MGAM2: variants seen among roughly 807,000 people sequenced by gnomAD.
The protein encoded by MGAM2 is probable maltase-glucoamylase 2.
In MGAM2, 98 loss-of-function variants were observed where a neutral mutation model predicts 96.1. That is an observed-to-expected ratio of 1.02 (90% CI 0.87 to 1.21). The LOEUF (loss-of-function observed/expected upper bound fraction) is 1.21, where lower values mean the gene tolerates loss of function less well. MGAM2 is among the 50% of genes most tolerant of loss of function. The pLI, the probability that MGAM2 is intolerant of heterozygous loss-of-function variation, is 0.00. For synonymous variants in MGAM2, 749 were observed against 414.8 expected, an observed-to-expected ratio of 1.81 and a Z score of -9.79; for missense variants, 2,055 against 1,182.4, an observed-to-expected ratio of 1.74 and a Z score of -10.82.
At chr7:142,178,686 T>C (rs563262106) in intron 32 of MGAM2, among the ~76,000 whole-genome samples, 22 of 152,146 alleles carry the variant, frequency 1.4e-4, no homozygotes, top group African/African-American at 5.3e-4. Context: ...TAGTATACGT[T>C]GAGGTTGGGT....
intron 33 of MGAM2, among the ~76,000 whole-genome samples, chr7:142,183,966 T>A: frequency 1.2e-5 from 1 of 86,526 alleles, no homozygotes; most frequent in South Asian, 4.5e-4. Flanking sequence ...TTTTTTTTTT[T>A]TTTTTTTTTT....
At chr7:142,169,914 C>T (rs1796139936) in intron 26 of MGAM2, among the ~76,000 whole-genome samples, 161 bp from the exon 27 acceptor site, 1 of 152,078 alleles carries the variant, frequency 6.6e-6, no homozygotes, top group South Asian at 2.1e-4. Context: ...GTATGGGGCA[C>T]AGTGGGCAGG....
At chr7:142,124,243 A>C (rs1471362381) in intron 3 of MGAM2, among the ~76,000 whole-genome samples, 1 of 152,108 alleles carries the variant, frequency 6.6e-6, no homozygotes, top group Non-Finnish European at 1.5e-5. Flanking sequence ...AAGTGCTGGG[A>C]TTACAGGCAT....
chr7:142,154,825 C>A lies in MGAM2; in HGVS notation c.1903C>A (p.His635Asn). 1 of 703,428 alleles carries A rather than the reference C, an allele frequency of 1.4e-6. No homozygotes were observed. Among genetic ancestry groups the A allele is most frequent in the African/African-American group, 1.7e-5 (1 of 57,352 alleles). 43.6% of individuals were successfully genotyped at this position (703,428 alleles called of 1,614,324 possible). Residue 635 changes from histidine (H) to asparagine (N), a missense_variant, in exon 17 of 48, where the codon CAC becomes AAC. Coordinates refer to ENST00000477922, the MANE Select transcript of MGAM2 (RefSeq NM_001293626.2). ...LGAFYPLPRNHNGPGFRDQDP... is the reference protein window; with the variant it reads ...LGAFYPLPRNNNGPGFRDQDP... Reference sequence around the variant, plus strand: ...AGCATTTTATCCACTACCAAGGAATCACAATGGGCCTGGGTTCAGGGTAAG... The same window carrying A: ...AGCATTTTATCCACTACCAAGGAATAACAATGGGCCTGGGTTCAGGGTAAG...
intron 32 of MGAM2, among the ~76,000 whole-genome samples, chr7:142,180,315 A>T (rs1796499729): frequency 6.6e-6 from 1 of 151,740 alleles, no homozygotes; most frequent in Non-Finnish European, 1.5e-5. Flanking sequence ...GCTTTTGTTG[A>T]TCTGTTGTAT....
At chr7:142,192,728 G>A (rs1796908917) in intron 37 of MGAM2, among the ~76,000 whole-genome samples, 1 of 152,138 alleles carries the variant, frequency 6.6e-6, no homozygotes, top group Non-Finnish European at 1.5e-5. Context: ...TCACACATCT[G>A]CATCCCATCG....
At chr7:142,118,892 G>C (rs894680326) in intron 2 of MGAM2, among the ~76,000 whole-genome samples, 4 of 152,038 alleles carry the variant, frequency 2.6e-5, no homozygotes, top group Admixed American at 2.6e-4. Context: ...TAAAACTCTA[G>C]GAACATGTAA....
rs770332419 is a variant in MGAM2 at position 142,220,100 on chromosome 7, A to G, written c.5589A>G (p.Thr1863=). Residue 1863 remains threonine (T), a synonymous_variant, in exon 48 of 48, where the codon ACA becomes ACG. Coordinates refer to ENST00000477922, the MANE Select transcript of MGAM2 (RefSeq NM_001293626.2). ...GTTDTVPITT[T]SFPSTTSVTT... ...CTGATACTGTTCCTATCACAACCAC[A>G]TCTTTCCCAAGTACTACTAGTGTTA... 11 of 702,774 alleles carry G rather than the reference A, an allele frequency of 1.6e-5. No individual in the cohort carries two copies. The highest frequency in any genetic ancestry group is 3.5e-5 in the African/African-American group (2 of 57,260). 43.5% of individuals were successfully genotyped at this position (702,774 alleles called of 1,614,324 possible). A position where few individuals can be genotyped will look rare whatever the true frequency, so the allele number is the denominator to read the frequency against.
rs536038134 is a variant in MGAM2, at chr7:142,179,553, G to A, written c.3817-3713G>A. Among the ~76,000 whole-genome samples the A allele has an allele frequency of 5.9e-5, 9 of 152,188 alleles. 1 individual carries two copies. The South Asian group carries it at 1.9e-3, about 32-fold the overall frequency. On this transcript the variant is annotated intron_variant, in intron 32 of 47. Transcript: ENST00000477922. Reference sequence around the variant, plus strand: ...CCCTTTGATGCCTAATTTCTTAAGGGTTTTATCATGAAGGATGTTGGATTT... The same window carrying A: ...CCCTTTGATGCCTAATTTCTTAAGGATTTTATCATGAAGGATGTTGGATTT...
At chr7:142,167,816 C>T (rs974487631) in intron 26 of MGAM2, among the ~76,000 whole-genome samples, 6 of 152,142 alleles carry the variant, frequency 3.9e-5, no homozygotes, top group African/African-American at 7.2e-5. Flanking sequence ...AAGCAATCCA[C>T]CTCCCTCTGC....
intron 37 of MGAM2, among the ~76,000 whole-genome samples, chr7:142,194,688 ATGTGTGTATGTGTGTGTGTG>A (rs1011274568): frequency 1.2e-4 from 13 of 112,164 alleles, no homozygotes; most frequent in African/African-American, 4.7e-4. Context: ...TTAATAGAAC[ATGTGTGTATGTGTGTGTGTG>A]TGTGTGTGTG....
chr7:142,122,029 T>C (rs1223945970), intron 3 of MGAM2, among the ~76,000 whole-genome samples: 1 of 152,144 alleles, frequency 6.6e-6, no homozygotes, highest in Non-Finnish European at 1.5e-5. Context: ...AGGAACCATC[T>C]TTATATTCTT....
At chr7:142,180,433 G>A (rs1796503055) in intron 32 of MGAM2, among the ~76,000 whole-genome samples, 1 of 152,064 alleles carries the variant, frequency 6.6e-6, no homozygotes, top group Non-Finnish European at 1.5e-5. Context: ...TCTTCTAGAT[G>A]TGAAGTTGGA....
At chr7:142,156,338 A>C (rs1218625223) in intron 17 of MGAM2, among the ~76,000 whole-genome samples, 1 of 152,214 alleles carries the variant, frequency 6.6e-6, no homozygotes, top group East Asian at 1.9e-4. Context: ...CTAGGTCTTC[A>C]AAATTTGGTA....
Position 142,187,752 on chromosome 7 carries a change from T to C in MGAM2, c.4125T>C (p.Asp1375=), listed in dbSNP as rs1585199927. 1 of 702,694 alleles carries C rather than the reference T, an allele frequency of 1.4e-6. No homozygotes were observed. Among genetic ancestry groups the C allele is most frequent in the African/African-American group, 1.7e-5 (1 of 57,366 alleles). 43.5% of individuals were successfully genotyped at this position (702,694 alleles called of 1,614,324 possible). ...CTTTTTTTGTTAACTCATTTCAGGA[T>C]ATGAATGAGCCATCAAATTTTGTGG... is the stretch of plus-strand genomic sequence containing the variant. The part of the protein sequence containing the change: ...KSLKFDGLWI[D]MNEPSNFVDG... The change falls in exon 36 of 48, where the codon GAT becomes GAC. Residue 1375 remains aspartate, a splice_region_variant and synonymous_variant. Coordinates refer to ENST00000477922, the MANE Select transcript of MGAM2 (RefSeq NM_001293626.2).
intron 45 of MGAM2, 174 bp from the exon 46 acceptor site, chr7:142,208,399 A>G: frequency 1.5e-6 from 1 of 656,336 alleles, no homozygotes; most frequent in Non-Finnish European, 2.8e-6. Context: ...ACATCCCCAC[A>G]CTAACATGCA....
At chr7:142,169,878 G>A (rs1796139367) in intron 26 of MGAM2, among the ~76,000 whole-genome samples, 197 bp from the exon 27 acceptor site, 1 of 152,124 alleles carries the variant, frequency 6.6e-6, no homozygotes, top group South Asian at 2.1e-4. Context: ...GGGTTTTACT[G>A]AGGCAATTTT....
Position 142,154,194 on chromosome 7 carries a change from G to A in MGAM2, c.1806+5G>A. Reference sequence around the variant, plus strand: ...AACCTGTTTGGCATCCCCATGGTGAGCCTTATTTCCAACCAGGGAACTTTA... The same window carrying A: ...AACCTGTTTGGCATCCCCATGGTGAACCTTATTTCCAACCAGGGAACTTTA... On this transcript the variant is annotated splice_donor_5th_base_variant and intron_variant, in intron 16 of 47. Coordinates refer to ENST00000477922, the MANE Select transcript of MGAM2 (RefSeq NM_001293626.2). 1 of 594,528 alleles carries A rather than the reference G, an allele frequency of 1.7e-6. No homozygotes were observed. 36.8% of individuals were successfully genotyped at this position (594,528 alleles called of 1,614,324 possible). A position where few individuals can be genotyped will look rare whatever the true frequency, so the allele number is the denominator to read the frequency against.
At position 142,141,138 on chromosome 7, in the gene MGAM2, C is replaced by A; in HGVS notation, c.1317+19C>A. 1 of 692,430 alleles carries A rather than the reference C, an allele frequency of 1.4e-6. No homozygotes were observed. The highest frequency in any genetic ancestry group is 1.6e-5 in the South Asian group (1 of 64,310). 42.9% of individuals were successfully genotyped at this position (692,430 alleles called of 1,614,324 possible). ...TGGGGAGGTAATTTCTTAAGAAAATCAAAGTAAATTATGATTGTTTTGGGG... is the reference window on the plus strand; with the variant it reads ...TGGGGAGGTAATTTCTTAAGAAAATAAAAGTAAATTATGATTGTTTTGGGG... On this transcript the variant is annotated intron_variant, in intron 12 of 47. Transcript: ENST00000477922.
Sources: gnomAD v4.1 joint callset for allele counts (sites outside exome capture counted in the v4.1 genomes callset) on GRCh38, gnomAD v4.1.1 for gene constraint, MANE v1.5 for transcripts, NCBI Gene and HGNC (gene_info 2026-07-23, HGNC 2026-07-21) for gene names.